Variants in WWOX observed in about 807,000 individuals in gnomAD.
WWOX encodes the protein WW domain containing oxidoreductase, also known as WW domain-containing oxidoreductase.
A neutral mutation model predicts 46.2 loss-of-function variants in WWOX; 69 were observed. That is an observed-to-expected ratio of 1.49 (90% CI 1.23 to 1.82). The LOEUF (loss-of-function observed/expected upper bound fraction) is 1.82. WWOX is among the 40% of genes most tolerant of loss of function. WWOX has a pLI of 0.00. For synonymous variants in WWOX, 359 were observed against 202.6 expected (o/e 1.77, Z -6.56); for missense variants, 919 against 542.6 (o/e 1.69, Z -6.89).
chr16:79,162,828 C>T (rs752385758), intron 8 of WWOX, among the ~76,000 whole-genome samples: 1 of 152,128 alleles, frequency 6.6e-6, no homozygotes, highest in Non-Finnish European at 1.5e-5. Context: ...CTTCCCCAAC[C>T]TTCTGCAAAC....
At chr16:78,644,280 C>G (rs938025270) in intron 8 of WWOX, among the ~76,000 whole-genome samples, 3 of 152,088 alleles carry the variant, frequency 2.0e-5, no homozygotes, top group Admixed American at 2.0e-4. Flanking sequence ...TCCTCCCCAC[C>G]CTAAGCATCT....
intron 8 of WWOX, among the ~76,000 whole-genome samples, chr16:78,590,999 G>C (rs1466971680): frequency 6.6e-6 from 1 of 152,124 alleles, no homozygotes; most frequent in Non-Finnish European, 1.5e-5. Flanking sequence ...CACGTACAAG[G>C]CGCTCAACTC....
At chr16:78,767,959 C>G (rs553761136) in intron 8 of WWOX, among the ~76,000 whole-genome samples, 4 of 152,112 alleles carry the variant, frequency 2.6e-5, no homozygotes, top group African/African-American at 7.2e-5. Context: ...TTGGACTGTG[C>G]TAATGTCTTC....
At chr16:78,290,552 G>A (rs1801954454) in intron 5 of WWOX, among the ~76,000 whole-genome samples, 1 of 152,168 alleles carries the variant, frequency 6.6e-6, no homozygotes, top group Admixed American at 6.5e-5. Context: ...TGAAGAGAGT[G>A]TAGAGTGGTC....
At chr16:78,920,074 C>T (rs1597151585) in intron 8 of WWOX, among the ~76,000 whole-genome samples, 1 of 152,216 alleles carries the variant, frequency 6.6e-6, no homozygotes, top group East Asian at 1.9e-4. Context: ...CCCCACCATG[C>T]CATAGCTTGC....
intron 8 of WWOX, among the ~76,000 whole-genome samples, chr16:78,625,516 T>G (rs150763929): frequency 3.5e-4 from 53 of 152,270 alleles, no homozygotes; most frequent in African/African-American, 1.2e-3. Context: ...AAATCAAGAC[T>G]GTAGTACCAA....
At chr16:78,534,386 C>A (rs1025705652) in intron 8 of WWOX, 3 of 152,190 alleles carry the variant, frequency 2.0e-5, no homozygotes, top group African/African-American at 7.2e-5. Flanking sequence ...TCATGTATCA[C>A]TGAAACAACC....
intron 5 of WWOX, among the ~76,000 whole-genome samples, chr16:78,211,459 G>A (rs1414860355): frequency 6.6e-6 from 1 of 152,126 alleles, no homozygotes; most frequent in Non-Finnish European, 1.5e-5. Flanking sequence ...TGAGCTGAGT[G>A]TATGAGTGCA....
chr16:78,295,032 G>C lies in WWOX; in HGVS notation c.517-91828G>C, dbSNP rs1192124199. ...AGAAGTCTGGGTTGTCCCCTGCCCA[G>C]GACAGGCTCACCCTGGCCTGTGTCC... On this transcript the variant is annotated intron_variant, in intron 5 of 8. Transcript: ENST00000566780. Among the ~76,000 whole-genome samples the C allele has an allele frequency of 5.9e-5, 9 of 152,286 alleles. 1 individual carries two copies. Among genetic ancestry groups the C allele is most frequent in the African/African-American group, 1.9e-4 (8 of 41,566 alleles).
intron 8 of WWOX, among the ~76,000 whole-genome samples, chr16:78,816,069 G>A (rs1285599136): frequency 6.6e-6 from 1 of 152,112 alleles, no homozygotes; most frequent in Non-Finnish European, 1.5e-5. Flanking sequence ...CTTCTATTCT[G>A]CTTTTCTAGC....
chr16:78,673,890 C>G (rs2047525048), intron 8 of WWOX, among the ~76,000 whole-genome samples: 1 of 152,104 alleles, frequency 6.6e-6, no homozygotes. Flanking sequence ...ATTTTAGAGA[C>G]TACAGGGAAA....
At chr16:78,663,784 G>C (rs987725040) in intron 8 of WWOX, among the ~76,000 whole-genome samples, 1 of 152,176 alleles carries the variant, frequency 6.6e-6, no homozygotes, top group African/African-American at 2.4e-5. Context: ...CCTGAATGAA[G>C]AGAGCCATGC....
At chr16:78,578,551 G>T (rs143893794) in intron 8 of WWOX, among the ~76,000 whole-genome samples, 1 of 151,878 alleles carries the variant, frequency 6.6e-6, no homozygotes, top group East Asian at 1.9e-4. Context: ...GCCTCCCAAA[G>T]TGCTGGGATT....
chr16:79,178,763 T>G (rs1433234293), intron 8 of WWOX, among the ~76,000 whole-genome samples: 1 of 152,240 alleles, frequency 6.6e-6, no homozygotes, highest in Non-Finnish European at 1.5e-5. Context: ...CAAAAACGTT[T>G]GGTCGACTAA....
intron 8 of WWOX, among the ~76,000 whole-genome samples, chr16:78,924,807 A>G (rs982144364): frequency 6.6e-5 from 10 of 152,146 alleles, no homozygotes; most frequent in Non-Finnish European, 1.5e-4. Flanking sequence ...CTTTTAGACT[A>G]CTAGTGATTG....
chr16:78,395,126 A>G (rs11862908), intron 6 of WWOX, among the ~76,000 whole-genome samples: 4 of 152,186 alleles, frequency 2.6e-5, no homozygotes, highest in Admixed American at 2.6e-4. Context: ...TTCTGAGAAT[A>G]TATAGAGTTT....
At chr16:78,860,541 G>T (rs950684042) in intron 8 of WWOX, among the ~76,000 whole-genome samples, 4 of 152,186 alleles carry the variant, frequency 2.6e-5, no homozygotes, top group Admixed American at 2.6e-4. Flanking sequence ...GCCAGACATT[G>T]TTCTAAGAGG....
rs574116498 is a variant in WWOX, at chr16:78,101,208, C to G, written c.107+1323C>G. 2.1e-3 allele frequency among the ~76,000 whole-genome samples: 310 copies of G among 148,526 alleles called. 10 individuals are homozygous for G. The South Asian group carries it at 0.062, about 30-fold the overall frequency. Reference sequence around the variant, plus strand: ...GACTACAGGCGCCCGCCACCACGCCCGGCTAAGTTTTTGTGTTTTTAGTAG... The same window carrying G: ...GACTACAGGCGCCCGCCACCACGCCGGGCTAAGTTTTTGTGTTTTTAGTAG... On this transcript the variant is annotated intron_variant, in intron 1 of 8. Coordinates refer to ENST00000566780, the MANE Select transcript of WWOX (RefSeq NM_016373.4).
intron 5 of WWOX, among the ~76,000 whole-genome samples, chr16:78,228,574 T>G (rs2037147463): frequency 6.6e-6 from 1 of 152,168 alleles, no homozygotes; most frequent in African/African-American, 2.4e-5. Context: ...ACTCCCGGGC[T>G]CAAGCGATCC....
Sources: gnomAD v4.1 joint callset for allele counts (sites outside exome capture counted in the v4.1 genomes callset) on GRCh38, gnomAD v4.1.1 for gene constraint, MANE v1.5 for transcripts, NCBI Gene and HGNC (gene_info 2026-07-23, HGNC 2026-07-21) for gene names.